The following GRID2 variants were observed in gnomAD, a reference collection of about 807,000 sequenced individuals.
GRID2 encodes the protein glutamate receptor ionotropic, delta-2.
A neutral mutation model predicts 114.8 loss-of-function variants in GRID2; 33 were observed. That is an observed-to-expected ratio of 0.29 (90% CI 0.22 to 0.38). GRID2 has a LOEUF of 0.38. GRID2 is among the 10% of genes least tolerant of loss of function. GRID2 has a pLI of 1.00. For missense variants in GRID2, 1,184 were observed against 1,257.7 expected (o/e 0.94, Z 0.89); for synonymous variants, 505 against 449.9 (o/e 1.12, Z -1.55).
chr4:92,459,138 C>G (rs1309077365), intron 1 of GRID2, among the ~76,000 whole-genome samples: 1 of 152,070 alleles, frequency 6.6e-6, no homozygotes, highest in Non-Finnish European at 1.5e-5. Context: ...ATTTTTAACT[C>G]ATAGCAAAAG....
Position 92,596,696 on chromosome 4 carries a change from GA to G in GRID2, c.244+6421del, listed in dbSNP as rs371770236. Reference sequence around the variant, plus strand: ...TAGAGACAACACCAATATGCATTAAGAAAAAAAAAAACAGCTCACACAAACC... The same window carrying G: ...TAGAGACAACACCAATATGCATTAAGAAAAAAAAAACAGCTCACACAAACC... On this transcript the variant is annotated intron_variant, in intron 2 of 15. Coordinates refer to ENST00000282020, the MANE Select transcript of GRID2 (RefSeq NM_001510.4). 3.5e-3 allele frequency among the ~76,000 whole-genome samples: 482 copies of G among 139,512 alleles called. 1 individual carries two copies. The highest frequency in any genetic ancestry group is 9.1e-3 in the East Asian group (44 of 4,828). 91.5% of individuals were successfully genotyped at this position (139,512 alleles called of 152,430 possible). A position where few individuals can be genotyped will look rare whatever the true frequency, so the allele number is the denominator to read the frequency against.
At chr4:93,304,424 G>T (rs1755201696) in intron 8 of GRID2, among the ~76,000 whole-genome samples, 1 of 151,742 alleles carries the variant, frequency 6.6e-6, no homozygotes, top group African/African-American at 2.4e-5. Flanking sequence ...TTTACTAGAG[G>T]TGCTTTTTTC....
chr4:93,191,447 T>C (rs1477595585), intron 4 of GRID2, among the ~76,000 whole-genome samples: 1 of 152,096 alleles, frequency 6.6e-6, no homozygotes, highest in Non-Finnish European at 1.5e-5. Context: ...TTGAACGTAA[T>C]TGAACCCACA....
intron 2 of GRID2, among the ~76,000 whole-genome samples, chr4:92,654,781 C>G (rs534902303): frequency 1.3e-5 from 2 of 151,784 alleles, no homozygotes; most frequent in African/African-American, 4.8e-5. Context: ...TGTTTGAACT[C>G]CTTATATTCT....
At chr4:93,105,205 T>C (rs1420854596) in intron 3 of GRID2, among the ~76,000 whole-genome samples, 1 of 152,204 alleles carries the variant, frequency 6.6e-6, no homozygotes, top group African/African-American at 2.4e-5. Flanking sequence ...TTCTGCATAT[T>C]AGCCCTTTGT....
intron 2 of GRID2, among the ~76,000 whole-genome samples, chr4:92,920,169 C>A (rs946441218): frequency 7.9e-5 from 12 of 152,072 alleles, no homozygotes; most frequent in African/African-American, 2.7e-4. Context: ...AGGACTGCAA[C>A]CCTTGCCTTT....
At chr4:92,805,224 AT>A (rs1254500408) in intron 2 of GRID2, among the ~76,000 whole-genome samples, 1 of 151,782 alleles carries the variant, frequency 6.6e-6, no homozygotes, top group Non-Finnish European at 1.5e-5. Context: ...TTTCTGTGTG[AT>A]TTTTTTGATA....
intron 2 of GRID2, among the ~76,000 whole-genome samples, chr4:92,989,967 A>G (rs1042344772): frequency 1.3e-5 from 2 of 152,240 alleles, no homozygotes; most frequent in East Asian, 3.9e-4. Flanking sequence ...TGAAAGAAAA[A>G]CCTAGATGGG....
At chr4:92,632,750 G>A (rs1487023573) in intron 2 of GRID2, among the ~76,000 whole-genome samples, 11 of 150,566 alleles carry the variant, frequency 7.3e-5, no homozygotes, top group African/African-American at 1.2e-4. Flanking sequence ...AGAAGTGAAG[G>A]AAGGGAAGGA....
At chr4:93,805,310 G>T (rs375586258) in intron 1 of GRID2, among the ~76,000 whole-genome samples, 16 of 152,296 alleles carry the variant, frequency 1.1e-4, no homozygotes, top group African/African-American at 3.1e-4. Flanking sequence ...TTTAAAACTT[G>T]TATAATTAAA....
chr4:93,400,539 T>C (rs1765774308), intron 9 of GRID2, among the ~76,000 whole-genome samples: 1 of 152,150 alleles, frequency 6.6e-6, no homozygotes, highest in Admixed American at 6.6e-5. Context: ...GTTTTCATGG[T>C]AATTCATGAA....
At chr4:93,652,106 T>C (rs1266419018) in intron 14 of GRID2, among the ~76,000 whole-genome samples, 1 of 152,054 alleles carries the variant, frequency 6.6e-6, no homozygotes, top group African/African-American at 2.4e-5. Context: ...AATGTTACTA[T>C]ATTTGAATAC....
intron 2 of GRID2, among the ~76,000 whole-genome samples, chr4:92,638,717 T>C (rs1173839423): frequency 6.6e-6 from 1 of 150,510 alleles, no homozygotes; most frequent in African/African-American, 2.4e-5. Flanking sequence ...AATAAAAGAT[T>C]AATGAAATTT....
Position 92,357,503 on chromosome 4 carries a change from T to C in GRID2, c.88+52759T>C, listed in dbSNP as rs766884262. Among the ~76,000 whole-genome samples the C allele has an allele frequency of 3.1e-4, 47 of 151,986 alleles. 1 individual carries two copies. The Middle Eastern group carries it at 0.024, about 78-fold the overall frequency. On this transcript the variant is annotated intron_variant, in intron 1 of 15. Transcript: ENST00000282020. ...CACTCTGTTGGTAAGGAAAAGGATA[T>C]ACAGTTGCTTTTGTAATAGCCATTC... is the stretch of plus-strand genomic sequence containing the variant.
At chr4:92,634,879 A>AG (rs1730995089) in intron 2 of GRID2, among the ~76,000 whole-genome samples, 6 of 135,666 alleles carry the variant, frequency 4.4e-5, no homozygotes, top group African/African-American at 8.1e-5. Context: ...GAGAGAGAGA[A>AG]AGAGAGAGAG....
At chr4:93,570,646 C>T (rs1168251544) in intron 13 of GRID2, among the ~76,000 whole-genome samples, 2 of 152,094 alleles carry the variant, frequency 1.3e-5, no homozygotes, top group Non-Finnish European at 2.9e-5. Flanking sequence ...AACATCACTG[C>T]GTACTCTATG....
Position 93,173,813 on chromosome 4 carries a change from G to A in GRID2, c.736-33591G>A, listed in dbSNP as rs570377770. ...CCCAGCTCATTTTTATATGTTTTTGGTAGAGACAGGGTCTTGCTATTTGCC... is the reference window on the plus strand; with the variant it reads ...CCCAGCTCATTTTTATATGTTTTTGATAGAGACAGGGTCTTGCTATTTGCC... On this transcript the variant is annotated intron_variant, in intron 4 of 15. Coordinates refer to ENST00000282020, the MANE Select transcript of GRID2 (RefSeq NM_001510.4). Among the ~76,000 whole-genome samples the A allele has an allele frequency of 3.9e-5, 6 of 152,102 alleles. No individual in the cohort carries two copies. In the South Asian group the frequency reaches 6.2e-4, roughly 16 times the overall value.
rs775498767 is a variant in GRID2, at chr4:93,626,405, G to A, written c.2330G>A (p.Gly777Asp). Residue 777 changes from glycine (G) to aspartate (D), a missense_variant, in exon 14 of 16, where the codon GGC becomes GAC. Physicochemically the swap from Gly to Asp is moderately conservative, Grantham distance 94. Transcript: ENST00000282020. ...GGATATGGAATTGCATTACAACATG[G>A]CAGTCCTTACCGAGATGTTTTTTCA... is the stretch of plus-strand genomic sequence containing the variant. The part of the protein sequence containing the change: ...DRGYGIALQH[G>D]SPYRDVFSQR... 6.2e-7 allele frequency: 1 copy of A among 1,609,682 alleles called. No homozygotes were observed. Among genetic ancestry groups the A allele is most frequent in the Non-Finnish European group, 8.5e-7 (1 of 1,177,656 alleles).
At chr4:92,933,246 A>G (rs1750382958) in intron 2 of GRID2, among the ~76,000 whole-genome samples, 1 of 151,234 alleles carries the variant, frequency 6.6e-6, no homozygotes, top group Non-Finnish European at 1.5e-5. Flanking sequence ...TATTATTTGT[A>G]TGTATCAGTT....
Sources: gnomAD v4.1 joint callset for allele counts (sites outside exome capture counted in the v4.1 genomes callset) on GRCh38, gnomAD v4.1.1 for gene constraint, MANE v1.5 for transcripts, NCBI Gene and HGNC (gene_info 2026-07-23, HGNC 2026-07-21) for gene names.